The following SLC14A2 variants were observed in gnomAD, a reference collection of about 807,000 sequenced individuals.
SLC14A2 encodes the protein solute carrier family 14 member 2.
Under a neutral mutation model 104.6 loss-of-function variants are expected in SLC14A2, and 91 were observed. That is an observed-to-expected ratio of 0.87 (90% CI 0.73 to 1.04). The LOEUF is 1.04. Among genes scored for constraint, SLC14A2 ranks in the 50% least tolerant of loss-of-function variants. The pLI is 0.00. For synonymous variants in SLC14A2, 476 were observed against 466.4 expected, an observed-to-expected ratio of 1.02 and a Z score of -0.27; for missense variants, 1,189 against 1,156.0, an observed-to-expected ratio of 1.03 and a Z score of -0.41.
intron 2 of SLC14A2, among the ~76,000 whole-genome samples, chr18:45,506,280 A>G (rs1405727452): frequency 1.3e-5 from 2 of 151,974 alleles, no homozygotes; most frequent in African/African-American, 4.8e-5. Flanking sequence ...TCTCCCCATC[A>G]AACCCAACCA....
chr18:45,314,889 G>A (rs1359532050), intron 1 of SLC14A2, among the ~76,000 whole-genome samples: 1 of 152,226 alleles, frequency 6.6e-6, no homozygotes, highest in Non-Finnish European at 1.5e-5. Context: ...TACTGTCCCT[G>A]CCTTCTGATG....
At chr18:45,633,521 A>C (rs1453727185) in intron 5 of SLC14A2, among the ~76,000 whole-genome samples, 3 of 152,214 alleles carry the variant, frequency 2.0e-5, no homozygotes, top group African/African-American at 7.2e-5. Flanking sequence ...AATGATTCTT[A>C]GTTCACGTAA....
chr18:45,289,678 T>G (rs113080826), intron 1 of SLC14A2, among the ~76,000 whole-genome samples: 2 of 152,200 alleles, frequency 1.3e-5, no homozygotes, highest in South Asian at 4.1e-4. Context: ...ATCCCAAGCA[T>G]GTGTGTTTCC....
intron 1 of SLC14A2, among the ~76,000 whole-genome samples, chr18:45,474,369 TA>T (rs1449491102): frequency 1.3e-5 from 2 of 152,184 alleles, no homozygotes; most frequent in African/African-American, 4.8e-5. Context: ...CAGGTTTTGG[TA>T]TCAGGATGAT....
the SLC14A2 span, among the ~76,000 whole-genome samples, chr18:45,171,466 G>T: frequency 4.6e-5 from 7 of 152,132 alleles, no homozygotes; most frequent in Non-Finnish European, 8.8e-5. Flanking sequence ...GGGCTGTCAG[G>T]AATTTACCAC....
chr18:45,676,372 A>T (rs1053411962), intron 18 of SLC14A2, among the ~76,000 whole-genome samples: 2 of 152,238 alleles, frequency 1.3e-5, no homozygotes, highest in African/African-American at 4.8e-5. Context: ...TCAGAGGACA[A>T]GGACATCTAG....
the SLC14A2 span, among the ~76,000 whole-genome samples, chr18:45,195,573 G>A: frequency 3.0e-3 from 454 of 152,230 alleles, 3 homozygotes; most frequent in African/African-American, 0.01. Flanking sequence ...TGTATTTTTA[G>A]TAGAGATGGG....
intron 1 of SLC14A2, among the ~76,000 whole-genome samples, chr18:45,220,606 T>C (rs1285936347): frequency 2.0e-5 from 3 of 152,186 alleles, no homozygotes; most frequent in Non-Finnish European, 4.4e-5. Flanking sequence ...TAAGAAGCCA[T>C]TTGGGATACA....
intron 1 of SLC14A2, among the ~76,000 whole-genome samples, chr18:45,473,112 A>G (rs1598875109): frequency 6.6e-6 from 1 of 152,194 alleles, no homozygotes; most frequent in Non-Finnish European, 1.5e-5. Flanking sequence ...CAGTTCTCCC[A>G]ACACCATTTA....
intron 2 of SLC14A2, among the ~76,000 whole-genome samples, chr18:45,547,430 T>G (rs954346422): frequency 6.6e-6 from 1 of 152,112 alleles, no homozygotes; most frequent in African/African-American, 2.4e-5. Flanking sequence ...TCTTAGAATA[T>G]CTTCAGCCAA....
At chr18:45,170,099 G>A in the SLC14A2 span, among the ~76,000 whole-genome samples, 1 of 152,190 alleles carries the variant, frequency 6.6e-6, no homozygotes, top group Non-Finnish European at 1.5e-5. Flanking sequence ...AACATGGAAA[G>A]GGAACAAATA....
chr18:45,665,211 A>T (rs927616811), intron 11 of SLC14A2, among the ~76,000 whole-genome samples: 11 of 152,270 alleles, frequency 7.2e-5, no homozygotes, highest in Middle Eastern at 3.4e-3. Flanking sequence ...CTGACGACTC[A>T]TGAGTGCAGA....
chr18:45,486,837 A>G (rs1475856792), intron 2 of SLC14A2, among the ~76,000 whole-genome samples: 2 of 152,206 alleles, frequency 1.3e-5, no homozygotes, highest in East Asian at 3.8e-4. Flanking sequence ...TAGGTAATCC[A>G]TATAGTTAGA....
At chr18:45,174,734 G>T in the SLC14A2 span, among the ~76,000 whole-genome samples, 3 of 152,100 alleles carry the variant, frequency 2.0e-5, no homozygotes, top group African/African-American at 7.2e-5. Context: ...AATTGGGCAG[G>T]GTAGCAGGGG....
intron 2 of SLC14A2, among the ~76,000 whole-genome samples, chr18:45,579,987 C>CCTT (rs2144357246): frequency 6.6e-6 from 1 of 152,208 alleles, no homozygotes; most frequent in East Asian, 1.9e-4. Context: ...ACTCGGGAAG[C>CCTT]CTTGAGGTTG....
At chr18:45,586,803 C>T (rs143353832) in intron 2 of SLC14A2, among the ~76,000 whole-genome samples, 2 of 152,180 alleles carry the variant, frequency 1.3e-5, no homozygotes, top group East Asian at 1.9e-4. Flanking sequence ...ATCCCACAGA[C>T]CACACCCTTC....
intron 1 of SLC14A2, among the ~76,000 whole-genome samples, chr18:45,431,327 G>A (rs7229619): frequency 0.16 from 24,761 of 152,024 alleles, 2,954 homozygotes; most frequent in African/African-American, 0.31. Flanking sequence ...GTGTGTGTGT[G>A]CATTGTCTGA....
intron 2 of SLC14A2, among the ~76,000 whole-genome samples, chr18:45,586,515 A>T (rs1021441641): frequency 3.3e-5 from 5 of 151,924 alleles, no homozygotes; most frequent in African/African-American, 9.7e-5. Flanking sequence ...TGCAAAGGAT[A>T]CTTCTGGCTG....
chr18:45,345,177 G>T (rs1029454292), intron 1 of SLC14A2, among the ~76,000 whole-genome samples: 3 of 152,194 alleles, frequency 2.0e-5, no homozygotes, highest in Non-Finnish European at 4.4e-5. Flanking sequence ...GAGAAATAAA[G>T]AAAGCTGTCT....
Sources: gnomAD v4.1 joint callset for allele counts (sites outside exome capture counted in the v4.1 genomes callset) on GRCh38, gnomAD v4.1.1 for gene constraint, MANE v1.5 for transcripts, NCBI Gene and HGNC (gene_info 2026-07-23, HGNC 2026-07-21) for gene names.